The following GLMN variants were observed in gnomAD, a reference collection of about 807,000 sequenced individuals.
GLMN encodes the protein glomulin.
Under a neutral mutation model 87.8 loss-of-function variants are expected in GLMN, and 75 were observed. The ratio of observed to expected loss-of-function variants is 0.85; its 90% CI spans 0.71 to 1.04. The LOEUF (loss-of-function observed/expected upper bound fraction) is 1.04, where lower values mean the gene tolerates loss of function less well. GLMN is among the 50% of genes least tolerant of loss of function. GLMN has a pLI of 0.00. For missense variants in GLMN, 588 were observed against 658.8 expected (o/e 0.89, Z 1.18); for synonymous variants, 206 against 221.6 (o/e 0.93, Z 0.63).
In GLMN at chr1:92,263,889, C is replaced by T. The variant is rs3103176; in HGVS notation, c.1300-157G>A. Among the ~76,000 whole-genome samples the T allele has an allele frequency of 0.48, 72,468 of 152,074 alleles. 18,272 individuals are homozygous for T. Among genetic ancestry groups the T allele is most frequent in the East Asian group, 0.96 (5,001 of 5,188 alleles). Reference sequence around the variant, plus strand: ...TCATTCACTTTCCAGACACCAGGAACGAACCCTGCCAGTTTGAGAACACTG... The same window carrying T: ...TCATTCACTTTCCAGACACCAGGAATGAACCCTGCCAGTTTGAGAACACTG... On this transcript the variant is annotated intron_variant, in intron 14 of 18. Transcript: ENST00000370360.
At chr1:92,246,838 C>T (rs554717080) in intron 18 of GLMN, among the ~76,000 whole-genome samples, 192 bp from the exon 19 acceptor site, 1 of 152,226 alleles carries the variant, frequency 6.6e-6, no homozygotes, top group African/African-American at 2.4e-5. Context: ...GGAGACCAGC[C>T]TGAGCAACAT....
intron 18 of GLMN, 89 bp downstream of exon 18, chr1:92,246,973 C>T: frequency 1.3e-6 from 1 of 788,644 alleles, no homozygotes; most frequent in South Asian, 1.4e-5. Flanking sequence ...CAGTGAGCCA[C>T]AATCATGCCA....
chr1:92,280,305 A>G (rs1380568088), intron 7 of GLMN, among the ~76,000 whole-genome samples: 2 of 152,118 alleles, frequency 1.3e-5, no homozygotes, highest in Admixed American at 1.3e-4. Context: ...TGCAGCCTCC[A>G]CTGGTGATAC....
chr1:92,270,935 C>T (rs1460321599), intron 8 of GLMN, among the ~76,000 whole-genome samples: 5 of 151,988 alleles, frequency 3.3e-5, no homozygotes, highest in African/African-American at 4.8e-5. Context: ...TGAATCAGGT[C>T]AATTAAGCAG....
chr1:92,255,488 A>AG (rs1252094136), intron 16 of GLMN, among the ~76,000 whole-genome samples: 1 of 152,176 alleles, frequency 6.6e-6, no homozygotes, highest in Non-Finnish European at 1.5e-5. Flanking sequence ...CTTATTCTAA[A>AG]ATTGACCACA....
the GLMN span, among the ~76,000 whole-genome samples, chr1:92,343,743 A>C: frequency 2.4e-5 from 2 of 84,612 alleles, no homozygotes; most frequent in African/African-American, 5.9e-5. Flanking sequence ...CAACAATTAT[A>C]TATTAGAAGG....
At chr1:92,252,113 C>A (rs1328431621) in intron 16 of GLMN, among the ~76,000 whole-genome samples, 1 of 152,190 alleles carries the variant, frequency 6.6e-6, no homozygotes, top group Non-Finnish European at 1.5e-5. Context: ...TACAAATATA[C>A]AATTAAGCTT....
At chr1:92,248,759 C>G (rs1224889293) in intron 16 of GLMN, among the ~76,000 whole-genome samples, 1 of 150,580 alleles carries the variant, frequency 6.6e-6, no homozygotes, top group East Asian at 1.9e-4. Flanking sequence ...ATGTTACTTG[C>G]AGCATTCCAA....
chr1:92,263,281 C>A (rs1336416971), intron 15 of GLMN, among the ~76,000 whole-genome samples: 1 of 151,906 alleles, frequency 6.6e-6, no homozygotes, highest in East Asian at 1.9e-4. Context: ...AAAAAAATGA[C>A]CTGGAAAACA....
At chr1:92,285,306 C>T (rs922628100) in intron 7 of GLMN, among the ~76,000 whole-genome samples, 19 of 152,102 alleles carry the variant, frequency 1.2e-4, no homozygotes, top group African/African-American at 4.6e-4. Flanking sequence ...GAGTTCATGT[C>T]CTTTGCAGGG....
At chr1:92,349,862 A>G in the GLMN span, among the ~76,000 whole-genome samples, 1 of 152,202 alleles carries the variant, frequency 6.6e-6, no homozygotes, top group Non-Finnish European at 1.5e-5. Flanking sequence ...CAGGAGATCA[A>G]GGTGCAGAGA....
chr1:92,323,228 T>A, the GLMN span, among the ~76,000 whole-genome samples: 1 of 151,492 alleles, frequency 6.6e-6, no homozygotes, highest in African/African-American at 2.4e-5. Flanking sequence ...AGGAGAACTA[T>A]ATCAAAAAAT....
At chr1:92,358,167 C>T in the GLMN span, among the ~76,000 whole-genome samples, 1 of 152,222 alleles carries the variant, frequency 6.6e-6, no homozygotes, top group Non-Finnish European at 1.5e-5. Flanking sequence ...CTTTCAATTG[C>T]TCTTAAAGAA....
the GLMN span, among the ~76,000 whole-genome samples, chr1:92,361,677 A>C: frequency 6.6e-6 from 1 of 152,174 alleles, no homozygotes; most frequent in African/African-American, 2.4e-5. Flanking sequence ...TTGCAAATAC[A>C]ATTTTTATAA....
At chr1:92,318,850 A>C in the GLMN span, among the ~76,000 whole-genome samples, 168 of 152,352 alleles carry the variant, frequency 1.1e-3, no homozygotes, top group Non-Finnish European at 1.8e-3. Flanking sequence ...GAGCCATTTC[A>C]GGAGAGAAAT....
the GLMN span, among the ~76,000 whole-genome samples, chr1:92,361,942 G>A: frequency 3.1e-4 from 47 of 152,248 alleles, no homozygotes; most frequent in South Asian, 2.9e-3. Flanking sequence ...TTATTTATCT[G>A]ATGCATCACA....
intron 5 of GLMN, 22 bp from the exon 6 acceptor site, chr1:92,289,173 C>T (rs776040931): frequency 1.5e-5 from 21 of 1,364,524 alleles, no homozygotes; most frequent in African/African-American, 5.7e-5. Flanking sequence ...ATCAAGTTGT[C>T]GCTCATCAAG....
At chr1:92,323,370 C>A in the GLMN span, 1 of 1,081,520 alleles carries the variant, frequency 9.2e-7, no homozygotes, top group Non-Finnish European at 1.3e-6. Context: ...CTATGGGGTA[C>A]TTTACTTTTC....
At chr1:92,285,582 G>A (rs1318553309) in intron 7 of GLMN, among the ~76,000 whole-genome samples, 1 of 152,170 alleles carries the variant, frequency 6.6e-6, no homozygotes, top group Non-Finnish European at 1.5e-5. Context: ...CCTGCACGTT[G>A]TGCACATGTA....
Sources: allele counts gnomAD v4.1 joint callset (sites outside exome capture counted in the v4.1 genomes callset), GRCh38; gene constraint gnomAD v4.1.1; transcripts MANE v1.5; gene names NCBI Gene and HGNC (gene_info 2026-07-23, HGNC 2026-07-21).